The following PRDM16 variants were observed in gnomAD, a reference collection of about 807,000 sequenced individuals.
The protein encoded by PRDM16 is PR/SET domain 16, also known as histone-lysine N-methyltransferase PRDM16.
A neutral mutation model predicts 110.6 loss-of-function variants in PRDM16; 23 were observed. That is an observed-to-expected ratio of 0.21 (90% CI 0.15 to 0.29). The LOEUF is 0.29. Ranked by LOEUF, PRDM16 falls within the 10% of genes least tolerant of loss-of-function variation. The pLI, the probability that PRDM16 is intolerant of heterozygous loss-of-function variation, is 1.00. For missense variants in PRDM16, 1,615 were observed against 1,794.3 expected (o/e 0.90, Z 1.81); for synonymous variants, 799 against 781.8 (o/e 1.02, Z -0.37).
rs184866909 is a variant in PRDM16 at position 3,277,922 on chromosome 1, A to C, written c.438+33785A>C. On this transcript the variant is annotated intron_variant, in intron 3 of 16. Transcript: ENST00000270722. ...GACCCATACACTCATGCACATGAGC[A>C]CACGCACTTTTCCAACACCGTGAAG... Among the ~76,000 whole-genome samples, 33 of 152,318 alleles carry C rather than the reference A, an allele frequency of 2.2e-4. No homozygotes were observed. In the East Asian group the frequency reaches 4.1e-3, roughly 19 times the overall value.
chr1:3,084,404 C>T (rs572505428), intron 1 of PRDM16, among the ~76,000 whole-genome samples: 33 of 152,178 alleles, frequency 2.2e-4, no homozygotes, highest in Non-Finnish European at 4.7e-4. Flanking sequence ...GCTCGGCGGC[C>T]GGAGAGAGCC....
chr1:3,430,329 C>G lies in PRDM16; in HGVS notation c.3285-543C>G, dbSNP rs555943519. Among the ~76,000 whole-genome samples, 8 of 152,344 alleles carry G rather than the reference C, an allele frequency of 5.3e-5. No individual in the cohort carries two copies. In the East Asian group the frequency reaches 1.5e-3, roughly 29 times the overall value. Reference sequence around the variant, plus strand: ...GCCCTGGGCTGCAGAAGAGTCCCCCCACAGGCTCCGAAGCAAGCTTGTCCT... The same window carrying G: ...GCCCTGGGCTGCAGAAGAGTCCCCCGACAGGCTCCGAAGCAAGCTTGTCCT... On this transcript the variant is annotated intron_variant, in intron 14 of 16. Transcript: ENST00000270722.
Position 3,244,268 on chromosome 1 carries a change from T to C in PRDM16, c.438+131T>C, listed in dbSNP as rs1244836270. 1.2e-6 allele frequency: 1 copy of C among 806,120 alleles called. No homozygotes were observed. Among genetic ancestry groups the C allele is most frequent in the South Asian group, 1.5e-5 (1 of 67,336 alleles). 49.9% of individuals were successfully genotyped at this position (806,120 alleles called of 1,614,324 possible). Reference sequence around the variant, plus strand: ...AATGTTGCTGGCAGGCCCCGAGCAATGTGTTATCTGTGGACTGACGTGTGC... The same window carrying C: ...AATGTTGCTGGCAGGCCCCGAGCAACGTGTTATCTGTGGACTGACGTGTGC... On this transcript the variant is annotated intron_variant, in intron 3 of 16. Coordinates refer to ENST00000270722, the MANE Select transcript of PRDM16 (RefSeq NM_022114.4). The surrounding 1 kb of genome is among the most constrained non-coding windows in gnomAD (Gnocchi z 4.1).
chr1:3,124,114 G>A (rs1169175391), intron 1 of PRDM16, among the ~76,000 whole-genome samples: 2 of 152,202 alleles, frequency 1.3e-5, no homozygotes, highest in Non-Finnish European at 2.9e-5. Context: ...TGGGACCCGG[G>A]TGCTTAGGAG....
Position 3,080,725 on chromosome 1 carries a change from TC to T in PRDM16, c.37+11431del, listed in dbSNP as rs1642003501. ...TCTCCCCCTCGGACCGGGCAACTGC[TC>T]CTGGATTTCTGTTCCGAGGAACATG... On this transcript the variant is annotated intron_variant, in intron 1 of 16. Coordinates refer to ENST00000270722, the MANE Select transcript of PRDM16 (RefSeq NM_022114.4). The surrounding 1 kb of genome is among the most constrained non-coding windows in gnomAD (Gnocchi z 5.2). 6.6e-6 allele frequency among the ~76,000 whole-genome samples: 1 copy of T among 152,136 alleles called. No individual in the cohort carries two copies. The highest frequency in any genetic ancestry group is 2.4e-5 in the African/African-American group (1 of 41,432).
chr1:3,272,898 C>T (rs559022407), intron 3 of PRDM16, among the ~76,000 whole-genome samples: 2 of 152,210 alleles, frequency 1.3e-5, no homozygotes, highest in Non-Finnish European at 2.9e-5. Flanking sequence ...TCTGCCACTC[C>T]CCAGCCTGGG....
chr1:3,113,522 A>T (rs1196682619), intron 1 of PRDM16, among the ~76,000 whole-genome samples: 1 of 152,178 alleles, frequency 6.6e-6, no homozygotes, highest in Admixed American at 6.5e-5. Context: ...AGACAGACCC[A>T]TTATGACCAA....
chr1:3,188,407 C>T (rs371748691), intron 2 of PRDM16, among the ~76,000 whole-genome samples: 3 of 152,174 alleles, frequency 2.0e-5, no homozygotes, highest in Non-Finnish European at 2.9e-5. Flanking sequence ...TCACCATGTC[C>T]GCGTGGTGCC....
At chr1:3,121,301 A>C (rs1383028303) in intron 1 of PRDM16, among the ~76,000 whole-genome samples, 1 of 152,234 alleles carries the variant, frequency 6.6e-6, no homozygotes, top group Non-Finnish European at 1.5e-5. Context: ...GCCCCTGAAA[A>C]TGGCCCTGGT....
intron 1 of PRDM16, among the ~76,000 whole-genome samples, chr1:3,084,325 A>G (rs1446096072): frequency 6.6e-6 from 1 of 152,116 alleles, no homozygotes; most frequent in African/African-American, 2.4e-5. Flanking sequence ...TTTCAAAGGG[A>G]CATTCGATCT....
rs184912401 is a variant in PRDM16 at position 3,393,793 on chromosome 1, G to A, written c.574-2698G>A. Among the ~76,000 whole-genome samples, 371 of 152,334 alleles carry A rather than the reference G, an allele frequency of 2.4e-3. 1 individual carries two copies. Among genetic ancestry groups the A allele is most frequent in the African/African-American group, 8.5e-3 (355 of 41,584 alleles). On this transcript the variant is annotated intron_variant, in intron 4 of 16. Transcript: ENST00000270722. The stretch of plus-strand genomic sequence containing the variant: ...GGCCGGCGAGTGTGGAAAAGTTTGC[G>A]CGGATTCCCGTTCACCTCTGACCCC...
At chr1:3,114,906 C>T (rs1642921098) in intron 1 of PRDM16, among the ~76,000 whole-genome samples, 1 of 152,282 alleles carries the variant, frequency 6.6e-6, no homozygotes. Flanking sequence ...CGCACTCAGC[C>T]CTCAGGGTGA....
chr1:3,079,142 C>T (rs961373382), intron 1 of PRDM16, among the ~76,000 whole-genome samples: 1 of 152,250 alleles, frequency 6.6e-6, no homozygotes, highest in Admixed American at 6.5e-5. Context: ...CCTGGTGGAG[C>T]CGCGTCCCGG....
chr1:3,337,007 G>C (rs1024532157), intron 3 of PRDM16, among the ~76,000 whole-genome samples: 4 of 151,174 alleles, frequency 2.6e-5, no homozygotes, highest in African/African-American at 9.7e-5. Flanking sequence ...ATGCATGCAT[G>C]CACATGTGTG....
At chr1:3,128,136 C>T (rs1316837348) in intron 1 of PRDM16, 1 of 154,640 alleles carries the variant, frequency 6.5e-6, no homozygotes, top group Non-Finnish European at 1.5e-5. Flanking sequence ...GACAGTCATT[C>T]TGAGTGTTCG....
rs147504733 is a variant in PRDM16, at chr1:3,234,218, G to A, written c.388-9869G>A. 9.0e-4 allele frequency among the ~76,000 whole-genome samples: 137 copies of A among 152,248 alleles called. 2 individuals carry two copies. In the East Asian group the frequency reaches 0.019, roughly 22 times the overall value. ...CCCTGTTCTGGGGGCCTTCCTCTGC[G>A]GTAGCTTTGATGCTTCCTCTCCAGT... On this transcript the variant is annotated intron_variant, in intron 2 of 16. Coordinates refer to ENST00000270722, the MANE Select transcript of PRDM16 (RefSeq NM_022114.4).
At chr1:3,404,119 A>G (rs2100644829) in intron 6 of PRDM16, among the ~76,000 whole-genome samples, 1 of 152,350 alleles carries the variant, frequency 6.6e-6, no homozygotes, top group African/African-American at 2.4e-5. Flanking sequence ...ACGAGCCGTG[A>G]TATATCACTG....
chr1:3,240,025 A>AAGAGGAGAGGAGGAGAGG (rs1639624799), intron 2 of PRDM16, among the ~76,000 whole-genome samples: 1 of 135,710 alleles, frequency 7.4e-6, no homozygotes, highest in Admixed American at 7.5e-5. Context: ...AGAGAGAGAG[A>AAGAGGAGAGGAGGAGAGG]AGAGGAGAGG....
chr1:3,117,500 T>C (rs1464422621), intron 1 of PRDM16, among the ~76,000 whole-genome samples: 1 of 152,076 alleles, frequency 6.6e-6, no homozygotes, highest in Non-Finnish European at 1.5e-5. Flanking sequence ...CCTGGGGGCA[T>C]CGCCATGCCA....
Sources: gnomAD v4.1 joint callset for allele counts (sites outside exome capture counted in the v4.1 genomes callset) on GRCh38, gnomAD v4.1.1 for gene constraint, Gnocchi (gnomAD v3.1) non-coding constraint, MANE v1.5 for transcripts, NCBI Gene and HGNC (gene_info 2026-07-23, HGNC 2026-07-21) for gene names.